Variants in LTN1 observed in about 807,000 individuals in gnomAD.
LTN1 encodes the protein listerin E3 ubiquitin protein ligase 1.
LTN1 carries 88 observed loss-of-function variants against 201.2 expected under a neutral mutation model. That is an observed-to-expected ratio of 0.44 (90% CI 0.37 to 0.52). The LOEUF is 0.52. LTN1 is among the 20% of genes least tolerant of loss of function. The pLI, the probability that LTN1 is intolerant of heterozygous loss-of-function variation, is 0.00. For synonymous variants in LTN1, 645 were observed against 713.5 expected (o/e 0.90, Z 1.53); for missense variants, 1,752 against 2,038.7 (o/e 0.86, Z 2.71).
At chr21:28,956,317 T>C (rs1478538258) in intron 16 of LTN1, among the ~76,000 whole-genome samples, 1 of 152,224 alleles carries the variant, frequency 6.6e-6, no homozygotes, top group Non-Finnish European at 1.5e-5. Context: ...ATGGATATCC[T>C]GCTTAGCCTG....
At chr21:28,942,850 A>G (rs1423212298) in intron 24 of LTN1, among the ~76,000 whole-genome samples, 2 of 152,218 alleles carry the variant, frequency 1.3e-5, no homozygotes, top group East Asian at 3.8e-4. Flanking sequence ...CTTATCATAT[A>G]CTATATTTTC....
chr21:28,960,833 C>A, intron 11 of LTN1, 127 bp from the exon 12 acceptor site: 1 of 637,974 alleles, frequency 1.6e-6, no homozygotes, highest in South Asian at 2.0e-5. Flanking sequence ...CCTCCTCCTC[C>A]TCCTGAAGTT....
In LTN1 at chr21:28,966,397, T is replaced by A; in HGVS notation, c.2094A>T (p.Arg698Ser). 6.2e-7 allele frequency: 1 copy of A among 1,608,830 alleles called. No individual in the cohort carries two copies. Among genetic ancestry groups the A allele is most frequent in the Non-Finnish European group, 8.5e-7 (1 of 1,178,704 alleles). Residue 698 changes from arginine (R) to serine (S), a missense_variant, in exon 10 of 30, where the codon AGA becomes AGT. Around this residue, in one of 3 missense-constraint regions of LTN1, gnomAD observed 1,211 missense variants for 1,312.8 expected, o/e 0.92. Transcript: ENST00000361371. ...ALRCCDNDME[R>S]KKVLDDLTKV... ...TGGTTAGATCATCCAAGACTTTTTTTCTTTCCATATCATTGTCACAGCACC... is the reference window on the plus strand; with the variant it reads ...TGGTTAGATCATCCAAGACTTTTTTACTTTCCATATCATTGTCACAGCACC...
chr21:28,986,386 C>G lies in LTN1; in HGVS notation c.247-149G>C. The G allele has an allele frequency of 1.5e-6, 1 of 683,632 alleles. No individual in the cohort carries two copies. The allele number at this position is 683,632 out of a possible 1,614,324, so 42.3% of individuals were successfully genotyped here. A position where few individuals can be genotyped will look rare whatever the true frequency, so the allele number is the denominator to read the frequency against. On this transcript the variant is annotated intron_variant, in intron 2 of 29. Transcript: ENST00000361371. The surrounding 1 kb of genome is among the most constrained non-coding windows in gnomAD (Gnocchi z 4.1). Reference sequence around the variant, plus strand: ...ATGAGACTAGTTTGAAGAGCTCTTTCACAGGCTACTACGGTAGAAACTCTT... The same window carrying G: ...ATGAGACTAGTTTGAAGAGCTCTTTGACAGGCTACTACGGTAGAAACTCTT...
chr21:28,984,856 TC>T lies in LTN1; in HGVS notation c.411del (p.Lys138AsnfsTer7). On this transcript the variant is annotated frameshift_variant, in exon 4 of 30. Transcript: ENST00000361371. LOFTEE classifies it high-confidence loss of function. ...QAFEKLILKV[K>X]KQLAPYLKSL... ...CTTTTTAAGTAGGGAGCCAACTGTT[TC>T]TTTACTTTAAGGATAAGTTTTTCAA... 6.2e-7 allele frequency: 1 copy of T among 1,614,160 alleles called. No individual in the cohort carries two copies. The highest frequency in any genetic ancestry group is 8.5e-7 in the Non-Finnish European group (1 of 1,180,010).
Position 28,984,775 on chromosome 21 carries a change from C to T in LTN1, c.493G>A (p.Ala165Thr). ...GCCGCTTCAAATGCATCTTTTGCTG[C>T]AAACGCAGCTGGTGTGTAAGTATCA... ...QCDTYTPAAF[A>T]AKDAFEAAFP... Residue 165 changes from alanine (A) to threonine (T), a missense_variant, in exon 4 of 30, where the codon GCA becomes ACA. Around this residue, in one of 3 missense-constraint regions of LTN1, gnomAD observed 280 missense variants for 375.7 expected, o/e 0.75. Transcript: ENST00000361371. 6.2e-7 allele frequency: 1 copy of T among 1,614,184 alleles called. No homozygotes were observed. The highest frequency in any genetic ancestry group is 8.5e-7 in the Non-Finnish European group (1 of 1,180,030).
chr21:28,960,763 C>T, intron 11 of LTN1, 57 bp from the exon 12 acceptor site: 2 of 1,160,552 alleles, frequency 1.7e-6, no homozygotes, highest in Non-Finnish European at 2.5e-6. Context: ...TCTCTCTGTC[C>T]AAAATATTAC....
At chr21:28,950,577 G>A (rs909179666) in intron 18 of LTN1, among the ~76,000 whole-genome samples, 11 of 151,890 alleles carry the variant, frequency 7.2e-5, no homozygotes, top group Non-Finnish European at 1.2e-4. Flanking sequence ...GTGCAGTGGC[G>A]TGATCTCTGC....
intron 12 of LTN1, 91 bp downstream of exon 12, chr21:28,960,426 C>A: frequency 4.2e-6 from 4 of 955,804 alleles, no homozygotes; most frequent in South Asian, 1.9e-5. Flanking sequence ...TTATTTTTAA[C>A]CAATAACACA....
Position 28,935,268 on chromosome 21 carries a change from T to TA in LTN1, c.4715dup (p.Leu1572PhefsTer9), listed in dbSNP as rs747261275. The TA allele has an allele frequency of 6.2e-7, 1 of 1,614,130 alleles. No homozygotes were observed. The highest frequency in any genetic ancestry group is 8.5e-7 in the Non-Finnish European group (1 of 1,179,968). On this transcript the variant is annotated frameshift_variant, in exon 27 of 30. Coordinates refer to ENST00000361371, the MANE Select transcript of LTN1 (RefSeq NM_015565.3). LOFTEE classifies it high-confidence loss of function. ...ACCTAACCATGGCAGGCAAGTCTTT[T>TA]AATGTCATATGATAGACTGAACAAG... is the stretch of plus-strand genomic sequence containing the variant.
At position 28,935,235 on chromosome 21, in the gene LTN1, C is replaced by T; in HGVS notation, c.4749G>A (p.Trp1583Ter). 6.2e-7 allele frequency: 1 copy of T among 1,613,772 alleles called. No individual in the cohort carries two copies. Among genetic ancestry groups the T allele is most frequent in the East Asian group, 2.2e-5 (1 of 44,880 alleles). ...KDLPAMVRLW[W>*]NSSEKRVFNI... The stretch of plus-strand genomic sequence containing the variant: ...TGAAAACACGCTTCTCACTGCTATT[C>T]CACCACAACCTAACCATGGCAGGCA... The change falls in exon 27 of 30, where the codon TGG (tryptophan) becomes TGA (stop). Residue 1583 changes from tryptophan (W) to a stop codon, truncating the protein, a stop_gained. Transcript: ENST00000361371. LOFTEE classifies it high-confidence loss of function.
At chr21:28,944,253 G>A (rs2084319736) in intron 22 of LTN1, 130 bp downstream of exon 22, 2 of 705,286 alleles carry the variant, frequency 2.8e-6, no homozygotes, top group Middle Eastern at 8.1e-4. Context: ...GAGAAGCCAA[G>A]CTTTCTCTTC....
rs1415879103 is a variant in LTN1, at chr21:28,965,155, T to C, written c.2163+710A>G. ...ATTTCATGCTATGTGTTTTTTTTAC[T>C]ACAATTTAAAAAATAGAAAAAAACT... On this transcript the variant is annotated intron_variant, in intron 11 of 29. Coordinates refer to ENST00000361371, the MANE Select transcript of LTN1 (RefSeq NM_015565.3). Among the ~76,000 whole-genome samples the C allele has an allele frequency of 2.0e-5, 3 of 152,092 alleles. No individual in the cohort carries two copies. In the South Asian group the frequency reaches 6.2e-4, roughly 32 times the overall value.
At chr21:28,936,284 AG>A (rs1261858646) in intron 26 of LTN1, among the ~76,000 whole-genome samples, 1 of 151,952 alleles carries the variant, frequency 6.6e-6, no homozygotes, top group Non-Finnish European at 1.5e-5. Flanking sequence ...ATTTGTTTAC[AG>A]AGTCAAAAGT....
At position 28,958,552 on chromosome 21, in the gene LTN1, T is replaced by G; in HGVS notation, c.2594-13A>C. On this transcript the variant is annotated splice_polypyrimidine_tract_variant and intron_variant, in intron 13 of 29. Transcript: ENST00000361371. Reference sequence around the variant, plus strand: ...CAGATAAGAAAATCTAAAATCAAGATGTCAACAGGAATTTGTAATCTCACT... The same window carrying G: ...CAGATAAGAAAATCTAAAATCAAGAGGTCAACAGGAATTTGTAATCTCACT... 6.3e-7 allele frequency: 1 copy of G among 1,579,390 alleles called. No homozygotes were observed. The highest frequency in any genetic ancestry group is 8.6e-7 in the Non-Finnish European group (1 of 1,163,516).
intron 7 of LTN1, 87 bp downstream of exon 7, chr21:28,971,184 C>G: frequency 9.3e-7 from 1 of 1,078,488 alleles, no homozygotes; most frequent in Non-Finnish European, 1.3e-6. Flanking sequence ...TATTTTATTT[C>G]CAAGAAAGCA....
At chr21:28,992,622 A>G (rs1011344609) in intron 1 of LTN1, 142 bp downstream of exon 1, 1 of 828,916 alleles carries the variant, frequency 1.2e-6, no homozygotes, top group African/African-American at 1.7e-5. Flanking sequence ...TCAGGGACGC[A>G]CACACAACAG....
At chr21:28,971,560 C>A (rs2084575349) in intron 6 of LTN1, 116 bp from the exon 7 acceptor site, 2 of 871,956 alleles carry the variant, frequency 2.3e-6, no homozygotes, top group South Asian at 1.9e-5. Flanking sequence ...ACTAAAATAG[C>A]TAGAAAAAAT....
At chr21:28,974,374 G>C (rs73901132) in intron 6 of LTN1, among the ~76,000 whole-genome samples, 89 of 152,308 alleles carry the variant, frequency 5.8e-4, no homozygotes, top group African/African-American at 2.0e-3. Flanking sequence ...ATGGATGAGT[G>C]AGAGCCCAAT....
Sources: gnomAD v4.1 joint callset for allele counts (sites outside exome capture counted in the v4.1 genomes callset) on GRCh38, gnomAD v4.1.1 for gene constraint, gnomAD v4.1.1 regional missense constraint, Gnocchi (gnomAD v3.1) non-coding constraint, MANE v1.5 for transcripts, NCBI Gene and HGNC (gene_info 2026-07-23, HGNC 2026-07-21) for gene names.